TBC1D5: variants seen among roughly 807,000 people sequenced by gnomAD.
The protein encoded by TBC1D5 is TBC1 domain family member 5, also known as TBC1 domain family, member 5.
TBC1D5 carries 75 observed loss-of-function variants against 100.3 expected under a neutral mutation model. That is an observed-to-expected ratio of 0.75 (90% CI 0.62 to 0.91). The LOEUF (loss-of-function observed/expected upper bound fraction) is 0.91. TBC1D5 is among the 40% of genes least tolerant of loss of function. The probability of loss-of-function intolerance (pLI) is 0.00; values close to 1 mark genes in which losing one functional copy is unlikely to be tolerated. For synonymous variants in TBC1D5, 323 were observed against 325.6 expected, an observed-to-expected ratio of 0.99 and a Z score of 0.09; for missense variants, 910 against 942.4, an observed-to-expected ratio of 0.97 and a Z score of 0.45.
At chr3:17,659,000 T>C (rs2066388985) in intron 1 of TBC1D5, among the ~76,000 whole-genome samples, 1 of 152,102 alleles carries the variant, frequency 6.6e-6, no homozygotes, top group Non-Finnish European at 1.5e-5. Flanking sequence ...AATAGGAAGG[T>C]ATATCAGAAT....
intron 1 of TBC1D5, among the ~76,000 whole-genome samples, chr3:17,705,298 ACCC>A (rs1234664642): frequency 7.6e-5 from 5 of 66,186 alleles, no homozygotes; most frequent in African/African-American, 2.8e-4. Flanking sequence ...CGGGGGGCTG[ACCC>A]CCCCACCTCC....
intron 8 of TBC1D5, among the ~76,000 whole-genome samples, chr3:17,388,013 T>C (rs1253922266): frequency 6.6e-6 from 1 of 151,904 alleles, no homozygotes; most frequent in Non-Finnish European, 1.5e-5. Flanking sequence ...GTCCATAAAA[T>C]AAAAATTGAG....
intron 2 of TBC1D5, among the ~76,000 whole-genome samples, chr3:17,546,032 A>G (rs909690863): frequency 4.6e-5 from 7 of 152,208 alleles, no homozygotes; most frequent in Admixed American, 3.3e-4. Flanking sequence ...CTTTAAAAAA[A>G]TTAGCAATTA....
intron 3 of TBC1D5, among the ~76,000 whole-genome samples, chr3:17,479,317 C>A (rs1468514626): frequency 6.6e-6 from 1 of 152,170 alleles, no homozygotes; most frequent in Non-Finnish European, 1.5e-5. Flanking sequence ...AAAAGAAGAT[C>A]ACTTGAGCCC....
chr3:17,488,908 C>T (rs1179228792), intron 3 of TBC1D5, among the ~76,000 whole-genome samples: 3 of 149,624 alleles, frequency 2.0e-5, no homozygotes, highest in African/African-American at 4.9e-5. Context: ...CAAACTCTAT[C>T]GTGAACTGCA....
intron 16 of TBC1D5, among the ~76,000 whole-genome samples, chr3:17,253,048 T>C (rs989570944): frequency 1.4e-4 from 21 of 152,198 alleles, no homozygotes; most frequent in Non-Finnish European, 2.6e-4. Flanking sequence ...AATATTTAGT[T>C]TAACGATTGA....
chr3:17,504,167 A>AAATG, intron 3 of TBC1D5, among the ~76,000 whole-genome samples: 1 of 174 alleles, frequency 5.7e-3, no homozygotes. Context: ...AGCAATTATT[A>AAATG]ATTAACATAA....
At chr3:17,236,759 C>T (rs1230429514) in intron 17 of TBC1D5, among the ~76,000 whole-genome samples, 4 of 152,180 alleles carry the variant, frequency 2.6e-5, no homozygotes, top group Non-Finnish European at 5.9e-5. Context: ...GGATTACATG[C>T]GTGAACCACC....
chr3:17,609,764 T>G (rs146872337), intron 2 of TBC1D5, among the ~76,000 whole-genome samples: 190 of 152,256 alleles, frequency 1.2e-3, no homozygotes, highest in Non-Finnish European at 2.3e-3. Context: ...CGTTGCCAGT[T>G]GCCTATACAC....
intron 2 of TBC1D5, among the ~76,000 whole-genome samples, chr3:17,513,685 A>G (rs1180132463): frequency 2.0e-5 from 3 of 152,228 alleles, no homozygotes; most frequent in Non-Finnish European, 4.4e-5. Flanking sequence ...ATGATATAGT[A>G]TTACTTTACA....
At chr3:17,657,352 G>T (rs531574522) in intron 1 of TBC1D5, among the ~76,000 whole-genome samples, 7 of 137,456 alleles carry the variant, frequency 5.1e-5, no homozygotes, top group Non-Finnish European at 7.7e-5. Context: ...TTTTTTTTGC[G>T]GGGGGACAGA....
intron 2 of TBC1D5, among the ~76,000 whole-genome samples, chr3:17,526,481 C>T (rs183672393): frequency 1.6e-4 from 25 of 152,226 alleles, no homozygotes; most frequent in Admixed American, 3.3e-4. Flanking sequence ...TGAGCCACAA[C>T]GCTTGGCCCA....
At chr3:17,610,359 G>T (rs2061590594) in intron 2 of TBC1D5, among the ~76,000 whole-genome samples, 1 of 152,024 alleles carries the variant, frequency 6.6e-6, no homozygotes. Flanking sequence ...TAATTGTTTT[G>T]TATGCTTTGT....
chr3:17,571,497 A>G (rs988908232), intron 2 of TBC1D5, among the ~76,000 whole-genome samples: 2 of 152,026 alleles, frequency 1.3e-5, no homozygotes, highest in African/African-American at 4.8e-5. Flanking sequence ...TGAATTGAAA[A>G]AATCGAGTTC....
At chr3:17,648,529 G>A (rs1395262762) in intron 1 of TBC1D5, among the ~76,000 whole-genome samples, 1 of 152,140 alleles carries the variant, frequency 6.6e-6, no homozygotes, top group Non-Finnish European at 1.5e-5. Context: ...ACTATTAACA[G>A]AGTAAATAGA....
At chr3:17,722,901 T>G (rs563569915) in intron 1 of TBC1D5, among the ~76,000 whole-genome samples, 5 of 152,282 alleles carry the variant, frequency 3.3e-5, no homozygotes, top group African/African-American at 1.2e-4. Flanking sequence ...AGAAATGTAT[T>G]TGGGACTGGG....
At chr3:17,281,717 A>T (rs1411457126) in intron 15 of TBC1D5, among the ~76,000 whole-genome samples, 3 of 152,254 alleles carry the variant, frequency 2.0e-5, no homozygotes, top group Non-Finnish European at 2.9e-5. Flanking sequence ...TAAATAAAGT[A>T]GCTGATTATT....
intron 13 of TBC1D5, among the ~76,000 whole-genome samples, chr3:17,350,418 C>CA (rs1398178586): frequency 6.6e-6 from 1 of 152,130 alleles, no homozygotes; most frequent in East Asian, 1.9e-4. Context: ...GAGCCAGAGT[C>CA]AAAGAGCTGC....
intron 15 of TBC1D5, among the ~76,000 whole-genome samples, chr3:17,269,353 T>C (rs1347658905): frequency 6.6e-6 from 1 of 152,152 alleles, no homozygotes; most frequent in African/African-American, 2.4e-5. Context: ...GGGTTTCTGT[T>C]GCTGTGGGAC....
Sources: gnomAD v4.1 joint callset for allele counts (sites outside exome capture counted in the v4.1 genomes callset) on GRCh38, gnomAD v4.1.1 for gene constraint, MANE v1.5 for transcripts, NCBI Gene and HGNC (gene_info 2026-07-23, HGNC 2026-07-21) for gene names.